The following PARD3B variants were observed in gnomAD, a reference collection of about 807,000 sequenced individuals.
PARD3B encodes the protein par-3 family cell polarity regulator beta, also known as partitioning defective 3 homolog B.
PARD3B carries 103 observed loss-of-function variants against 130.2 expected under a neutral mutation model. The ratio of observed to expected loss-of-function variants is 0.79; its 90% CI spans 0.67 to 0.93. The LOEUF (loss-of-function observed/expected upper bound fraction) is 0.93, where lower values mean the gene tolerates loss of function less well. Among genes scored for constraint, PARD3B ranks in the 40% least tolerant of loss-of-function variants. PARD3B has a pLI of 0.00. For missense variants in PARD3B, 1,609 were observed against 1,499.2 expected (o/e 1.07, Z -1.21); for synonymous variants, 583 against 553.2 (o/e 1.05, Z -0.76).
At chr2:205,200,089 T>G (rs2036907610) in intron 15 of PARD3B, among the ~76,000 whole-genome samples, 1 of 152,200 alleles carries the variant, frequency 6.6e-6, no homozygotes, top group Non-Finnish European at 1.5e-5. Flanking sequence ...ATGTTTTACA[T>G]ATAGGTTATG....
intron 10 of PARD3B, among the ~76,000 whole-genome samples, chr2:205,156,313 A>C (rs13024991): frequency 1.3e-4 from 19 of 151,248 alleles, no homozygotes; most frequent in Non-Finnish European, 2.4e-4. Context: ...CCTAATGCTA[A>C]ATGACGAGTT....
intron 4 of PARD3B, among the ~76,000 whole-genome samples, chr2:205,087,097 T>G (rs143412403): frequency 4.7e-4 from 71 of 152,324 alleles, no homozygotes; most frequent in African/African-American, 1.3e-3. Flanking sequence ...TTTTTCATAT[T>G]TTTTAATCTC....
At chr2:204,947,550 CCCCT>C (rs1559288678) in intron 2 of PARD3B, among the ~76,000 whole-genome samples, 2 of 27,682 alleles carry the variant, frequency 7.2e-5, no homozygotes, top group African/African-American at 1.8e-4. Flanking sequence ...TCCCTCCCCT[CCCCT>C]CCCTCCCCTC....
chr2:204,764,870 C>T (rs529819709), intron 2 of PARD3B, among the ~76,000 whole-genome samples: 29 of 152,108 alleles, frequency 1.9e-4, no homozygotes, highest in African/African-American at 4.3e-4. Flanking sequence ...CTCCCTCCTG[C>T]GCTGGCTCTT....
At chr2:204,626,702 T>C (rs1559193202) in intron 1 of PARD3B, among the ~76,000 whole-genome samples, 2 of 152,196 alleles carry the variant, frequency 1.3e-5, no homozygotes, top group African/African-American at 4.8e-5. Flanking sequence ...TTTTGATAAA[T>C]ACAATTGAAC....
At chr2:205,438,777 C>T (rs183277463) in intron 19 of PARD3B, among the ~76,000 whole-genome samples, 3 of 152,068 alleles carry the variant, frequency 2.0e-5, no homozygotes, top group African/African-American at 7.2e-5. Flanking sequence ...TTCAAGTTGC[C>T]GTATGCAAAA....
At chr2:205,581,435 A>AT (rs1171364233) in intron 22 of PARD3B, among the ~76,000 whole-genome samples, 9 of 145,766 alleles carry the variant, frequency 6.2e-5, no homozygotes, top group African/African-American at 2.3e-4. Context: ...AAATATATAT[A>AT]AATATATATA....
chr2:204,682,288 A>C (rs2036871288), intron 1 of PARD3B, among the ~76,000 whole-genome samples: 2 of 152,186 alleles, frequency 1.3e-5, no homozygotes, highest in African/African-American at 4.8e-5. Flanking sequence ...TTTAAAAAAA[A>C]ATCCCACCTT....
At chr2:205,090,747 C>T (rs1434159) in intron 4 of PARD3B, among the ~76,000 whole-genome samples, 113,309 of 152,078 alleles carry the variant, frequency 0.75, 42,493 homozygotes, top group Admixed American at 0.83. Context: ...TGAGTGTAGA[C>T]ACTGTGCTCT....
At position 205,176,424 on chromosome 2, in the gene PARD3B, AT is replaced by A; in HGVS notation, c.1792-16del. On this transcript the variant is annotated intron_variant, in intron 12 of 22. Coordinates refer to ENST00000406610, the MANE Select transcript of PARD3B (RefSeq NM_001302769.2). This position sits in a 1 kb window ranked among gnomAD's most constrained non-coding sequence, Gnocchi z 5.3. ...GGAACATATTAAAAATGCAAATGTA[AT>A]TTTTACTTTTATCTCTTAGGATCCT... 6.3e-7 allele frequency: 1 copy of A among 1,579,734 alleles called. No homozygotes were observed. The highest frequency in any genetic ancestry group is 1.2e-5 in the South Asian group (1 of 85,334).
At chr2:205,531,856 A>G (rs1323686906) in intron 21 of PARD3B, among the ~76,000 whole-genome samples, 1 of 152,246 alleles carries the variant, frequency 6.6e-6, no homozygotes, top group Non-Finnish European at 1.5e-5. Flanking sequence ...CTAACAGATC[A>G]TCAGGAACCA....
chr2:204,702,145 T>C (rs760828347), intron 2 of PARD3B, among the ~76,000 whole-genome samples: 53 of 152,210 alleles, frequency 3.5e-4, no homozygotes, highest in Non-Finnish European at 6.6e-4. Flanking sequence ...CAATCCACCA[T>C]TGATGGACAC....
Position 205,562,081 on chromosome 2 carries a change from C to A in PARD3B, c.3260+8678C>A, listed in dbSNP as rs939851578. ...TGTCAACTCAAACTTCCTGAAAATG[C>A]AGAAAGCCCCAGCATGTAATATCAC... On this transcript the variant is annotated intron_variant, in intron 22 of 22. Coordinates refer to ENST00000406610, the MANE Select transcript of PARD3B (RefSeq NM_001302769.2). This position sits in a 1 kb window ranked among gnomAD's most constrained non-coding sequence, Gnocchi z 5.4. 6.6e-6 allele frequency among the ~76,000 whole-genome samples: 1 copy of A among 152,166 alleles called. No homozygotes were observed. The highest frequency in any genetic ancestry group is 1.5e-5 in the Non-Finnish European group (1 of 68,032).
chr2:205,162,441 C>T (rs1223024611), intron 11 of PARD3B, among the ~76,000 whole-genome samples: 2 of 152,222 alleles, frequency 1.3e-5, no homozygotes, highest in Non-Finnish European at 2.9e-5. Flanking sequence ...CGGAATATTG[C>T]TTCTTAGAGT....
chr2:205,241,443 C>T lies in PARD3B; in HGVS notation c.2141-4335C>T, dbSNP rs182179309. 6.6e-6 allele frequency among the ~76,000 whole-genome samples: 1 copy of T among 152,236 alleles called. No individual in the cohort carries two copies. The highest frequency in any genetic ancestry group is 6.5e-5 in the Admixed American group (1 of 15,288). On this transcript the variant is annotated intron_variant, in intron 15 of 22. Transcript: ENST00000406610. This position sits in a 1 kb window ranked among gnomAD's most constrained non-coding sequence, Gnocchi z 4.2. ...TAAAAATATTTATGAATTGCAGCTT[C>T]AGAAACCTGAGCATTTCATTGGTAT...
chr2:204,856,517 G>A (rs1410798248), intron 2 of PARD3B, among the ~76,000 whole-genome samples: 2 of 151,938 alleles, frequency 1.3e-5, no homozygotes, highest in Non-Finnish European at 2.9e-5. Context: ...TGTTTCCTTT[G>A]TTGTGCAGAG....
At chr2:205,522,721 C>T (rs2051133040) in intron 21 of PARD3B, among the ~76,000 whole-genome samples, 1 of 151,988 alleles carries the variant, frequency 6.6e-6, no homozygotes, top group Non-Finnish European at 1.5e-5. Flanking sequence ...TATGAGTCAG[C>T]ACCGATTATT....
At chr2:204,724,403 C>T (rs181819700) in intron 2 of PARD3B, among the ~76,000 whole-genome samples, 86 of 152,248 alleles carry the variant, frequency 5.6e-4, no homozygotes, top group African/African-American at 1.8e-3. Context: ...CCACCTGGAG[C>T]AGTACTCAGT....
chr2:204,931,946 A>G (rs1018381579), intron 2 of PARD3B, among the ~76,000 whole-genome samples: 1 of 152,112 alleles, frequency 6.6e-6, no homozygotes, highest in Non-Finnish European at 1.5e-5. Context: ...TATGAGCAGT[A>G]TTTAATTACA....
Sources: gnomAD v4.1 joint callset for allele counts (sites outside exome capture counted in the v4.1 genomes callset) on GRCh38, gnomAD v4.1.1 for gene constraint, Gnocchi (gnomAD v3.1) non-coding constraint, MANE v1.5 for transcripts, NCBI Gene and HGNC (gene_info 2026-07-23, HGNC 2026-07-21) for gene names.